The following DCHS2 variants were observed in gnomAD, a reference collection of about 807,000 sequenced individuals.
DCHS2 encodes the protein dachsous cadherin-related 2.
DCHS2 carries 142 observed loss-of-function variants against 182.4 expected under a neutral mutation model. That is an observed-to-expected ratio of 0.78 (90% confidence interval 0.68 to 0.89). The LOEUF is 0.89. Among genes scored for constraint, DCHS2 ranks in the 40% least tolerant of loss-of-function variants. The pLI is 0.00. For missense variants in DCHS2, 4,319 were observed against 4,198.6 expected, an observed-to-expected ratio of 1.03 and a Z score of -0.79; for synonymous variants, 1,740 against 1,663.3, an observed-to-expected ratio of 1.05 and a Z score of -1.12.
intron 11 of DCHS2, 53 bp downstream of exon 11, chr4:154,305,044 T>C: frequency 6.6e-7 from 1 of 1,514,630 alleles, no homozygotes; most frequent in Non-Finnish European, 8.8e-7. Context: ...ACAGGTTTTT[T>C]TTAAATTTAA....
chr4:154,239,265 A>G lies in DCHS2; in HGVS notation c.7397T>C (p.Val2466Ala). 2 of 1,613,530 alleles carry G rather than the reference A, an allele frequency of 1.2e-6. No homozygotes were observed. The highest frequency in any genetic ancestry group is 8.5e-7 in the Non-Finnish European group (1 of 1,179,710). Residue 2466 changes from valine to alanine, a missense_variant, in exon 19 of 20, where the codon GTG (valine) becomes GCG (alanine). Physicochemically the swap from Val to Ala is moderately conservative, Grantham distance 64. Coordinates refer to ENST00000357232, the MANE Select transcript of DCHS2 (RefSeq NM_001358235.2). ...VPESIPVGYS[V>A]LTLSATDLES... ...TAAGTCTGTGGCTGACAGAGTCAGC[A>G]CTGAATACCCCACAGGTATTGATTC... is the stretch of plus-strand genomic sequence containing the variant.
intron 1 of DCHS2, among the ~76,000 whole-genome samples, chr4:154,387,138 G>A (rs1248004656): frequency 6.6e-6 from 1 of 152,162 alleles, no homozygotes; most frequent in African/African-American, 2.4e-5. Flanking sequence ...GCCTGAAAAA[G>A]TTGTTACAAT....
chr4:154,414,928 C>A (rs1481717801), intron 1 of DCHS2, among the ~76,000 whole-genome samples: 1 of 152,188 alleles, frequency 6.6e-6, no homozygotes, highest in East Asian at 1.9e-4. Context: ...AGCCATTCAA[C>A]AGTGGAAGTA....
chr4:154,463,177 A>ACG (rs1735090297), intron 1 of DCHS2, among the ~76,000 whole-genome samples: 1 of 150,988 alleles, frequency 6.6e-6, no homozygotes, highest in Non-Finnish European at 1.5e-5. Context: ...ATATATATAC[A>ACG]CACACACACA....
chr4:154,345,311 C>T (rs1022994090), intron 3 of DCHS2, among the ~76,000 whole-genome samples: 3 of 152,238 alleles, frequency 2.0e-5, no homozygotes, highest in Admixed American at 1.3e-4. Context: ...CCATTATCCA[C>T]TTAACCAGCT....
rs34718837 is a variant in DCHS2 at position 154,307,441 on chromosome 4, GCACACA to G, written c.5261-2216_5261-2211del. 2.6e-4 allele frequency among the ~76,000 whole-genome samples: 39 copies of G among 150,076 alleles called. 1 individual carries two copies. Among genetic ancestry groups the G allele is most frequent in the African/African-American group, 6.6e-4 (27 of 40,876 alleles). On this transcript the variant is annotated intron_variant, in intron 10 of 19. Coordinates refer to ENST00000357232, the MANE Select transcript of DCHS2 (RefSeq NM_001358235.2). ...TACACACATACACAGATGTGCGCGCGCACACACACACACACACACACACATATCTAC... is the reference window on the plus strand; with the variant it reads ...TACACACATACACAGATGTGCGCGCGCACACACACACACACACATATCTAC...
At chr4:154,376,847 G>A (rs534626745) in intron 2 of DCHS2, among the ~76,000 whole-genome samples, 2 of 152,290 alleles carry the variant, frequency 1.3e-5, no homozygotes, top group South Asian at 4.1e-4. Flanking sequence ...AAAGCCATAG[G>A]AGAACAGGTA....
intron 13 of DCHS2, among the ~76,000 whole-genome samples, chr4:154,293,058 A>T (rs1282854444): frequency 1.3e-5 from 2 of 152,046 alleles, no homozygotes; most frequent in Non-Finnish European, 2.9e-5. Context: ...GTTACTTTAG[A>T]TTTTCTTCTC....
intron 13 of DCHS2, among the ~76,000 whole-genome samples, chr4:154,290,794 G>C (rs1578920650): frequency 6.6e-6 from 1 of 151,938 alleles, no homozygotes; most frequent in Non-Finnish European, 1.5e-5. Context: ...AAATCAAAAT[G>C]GATTAAAGAT....
chr4:154,458,556 A>G (rs62330369), intron 1 of DCHS2, among the ~76,000 whole-genome samples: 31,157 of 152,174 alleles, frequency 0.2, 3,980 homozygotes, highest in Non-Finnish European at 0.29. Flanking sequence ...AGGACTCATG[A>G]AATTCTAAAA....
intron 1 of DCHS2, among the ~76,000 whole-genome samples, chr4:154,441,522 G>A (rs531469387): frequency 1.3e-5 from 2 of 152,004 alleles, no homozygotes; most frequent in Admixed American, 6.6e-5. Context: ...TTGCAGTGAT[G>A]ATTGCTGGCA....
At chr4:154,399,068 A>G (rs1464196085) in intron 1 of DCHS2, among the ~76,000 whole-genome samples, 29 of 152,200 alleles carry the variant, frequency 1.9e-4, no homozygotes, top group Non-Finnish European at 4.3e-4. Flanking sequence ...CATCATCTTA[A>G]GAGGAGATTT....
chr4:154,261,070 C>T (rs999831458), intron 14 of DCHS2, among the ~76,000 whole-genome samples: 1 of 152,090 alleles, frequency 6.6e-6, no homozygotes, highest in Non-Finnish European at 1.5e-5. Flanking sequence ...TCAGCAAGTC[C>T]ATCAAATAGA....
chr4:154,262,076 G>A (rs1278041324), intron 14 of DCHS2: 1 of 152,240 alleles, frequency 6.6e-6, no homozygotes, highest in East Asian at 1.9e-4. Flanking sequence ...GTTTGTAAAG[G>A]AAAAATAGAA....
chr4:154,331,160 C>T (rs943677115), intron 5 of DCHS2, among the ~76,000 whole-genome samples: 4 of 152,114 alleles, frequency 2.6e-5, no homozygotes, highest in African/African-American at 9.7e-5. Context: ...TTTACAAGCA[C>T]GTAGTGTTCC....
intron 10 of DCHS2, among the ~76,000 whole-genome samples, chr4:154,305,496 T>C (rs377751394): frequency 1.1e-4 from 17 of 152,172 alleles, no homozygotes; most frequent in African/African-American, 3.6e-4. Flanking sequence ...CCATAAAAAA[T>C]TTCTTATGAG....
At chr4:154,446,355 A>G (rs1282563228) in intron 1 of DCHS2, among the ~76,000 whole-genome samples, 1 of 152,194 alleles carries the variant, frequency 6.6e-6, no homozygotes, top group African/African-American at 2.4e-5. Context: ...GTTATCACAG[A>G]CCCGCTGTCA....
intron 10 of DCHS2, among the ~76,000 whole-genome samples, chr4:154,307,541 C>T (rs1430711576): frequency 6.6e-6 from 1 of 152,172 alleles, no homozygotes; most frequent in East Asian, 1.9e-4. Flanking sequence ...TACCTCTCCT[C>T]AATTCATTTC....
At chr4:154,349,429 G>A (rs1416785657) in intron 3 of DCHS2, among the ~76,000 whole-genome samples, 2 of 152,138 alleles carry the variant, frequency 1.3e-5, no homozygotes, top group African/African-American at 4.8e-5. Context: ...GGTCTGGTCT[G>A]TTGGGCCTAG....
Sources: allele counts gnomAD v4.1 joint callset (sites outside exome capture counted in the v4.1 genomes callset), GRCh38; gene constraint gnomAD v4.1.1; transcripts MANE v1.5; gene names NCBI Gene and HGNC (gene_info 2026-07-23, HGNC 2026-07-21).